Variants in CSTPP1 observed in about 807,000 individuals in gnomAD.
The protein encoded by CSTPP1 is UPF0705 protein C11orf49.
chr11:46,945,186 A>T, the CSTPP1 span, among the ~76,000 whole-genome samples: 33 of 152,288 alleles, frequency 2.2e-4, no homozygotes, highest in Non-Finnish European at 4.3e-4. Flanking sequence ...TGCTGTTTAC[A>T]GTAAGTTAGC....
the CSTPP1 span, among the ~76,000 whole-genome samples, chr11:47,097,082 CCCGT>C: frequency 2.1e-5 from 3 of 144,068 alleles, no homozygotes; most frequent in African/African-American, 7.4e-5. Flanking sequence ...GGCCAGCCGC[CCCGT>C]CCGGGAGGGA....
the CSTPP1 span, among the ~76,000 whole-genome samples, chr11:46,991,339 T>C: frequency 2.8e-4 from 43 of 152,248 alleles, no homozygotes; most frequent in Non-Finnish European, 5.3e-4. Flanking sequence ...TTCTTTTCAA[T>C]GAAATCTAGA....
At chr11:47,137,489 C>T in the CSTPP1 span, 3 of 1,503,072 alleles carry the variant, frequency 2.0e-6, no homozygotes, top group Middle Eastern at 5.2e-4. Context: ...TAAAATCTCA[C>T]ACCTGGAGGT....
the CSTPP1 span, among the ~76,000 whole-genome samples, chr11:46,954,206 T>C: frequency 4.7e-4 from 72 of 152,030 alleles, no homozygotes; most frequent in African/African-American, 1.7e-3. Context: ...GAAGAAACAG[T>C]TGAAAAACTC....
the CSTPP1 span, chr11:47,162,270 G>C: frequency 1.0e-6 from 1 of 985,296 alleles, no homozygotes; most frequent in East Asian, 1.1e-4. Context: ...AAGCTCCTAG[G>C]CTGAGGGGAG....
chr11:47,070,411 A>C, the CSTPP1 span, among the ~76,000 whole-genome samples: 1 of 152,286 alleles, frequency 6.6e-6, no homozygotes, highest in Admixed American at 6.5e-5. Flanking sequence ...TTAGAAACCT[A>C]ATTAGACACC....
chr11:47,153,034 C>T, the CSTPP1 span, among the ~76,000 whole-genome samples: 3 of 152,172 alleles, frequency 2.0e-5, no homozygotes, highest in Admixed American at 6.5e-5. Context: ...TGAGCGCTCC[C>T]GGGGGAGCTC....
the CSTPP1 span, chr11:47,157,096 G>C: frequency 6.2e-7 from 1 of 1,614,152 alleles, no homozygotes; most frequent in African/African-American, 1.3e-5. Context: ...TGATTGTGCC[G>C]ACGTCGTCCA....
chr11:47,122,858 C>G, the CSTPP1 span, among the ~76,000 whole-genome samples: 1 of 152,172 alleles, frequency 6.6e-6, no homozygotes, highest in Admixed American at 6.5e-5. Context: ...GGATTACAGG[C>G]ATGAGCCACT....
the CSTPP1 span, among the ~76,000 whole-genome samples, chr11:47,086,062 T>C: frequency 6.6e-6 from 1 of 151,586 alleles, no homozygotes; most frequent in East Asian, 1.9e-4. Flanking sequence ...GACATCCATC[T>C]TAGGTAATAT....
chr11:46,939,177 G>A, the CSTPP1 span, among the ~76,000 whole-genome samples: 14 of 130,638 alleles, frequency 1.1e-4, no homozygotes, highest in African/African-American at 3.8e-4. Context: ...CCCAACCTCC[G>A]CCTCCTGGGT....
chr11:47,142,391 A>C, the CSTPP1 span, among the ~76,000 whole-genome samples: 3 of 152,100 alleles, frequency 2.0e-5, no homozygotes, highest in East Asian at 5.8e-4. Context: ...TGGTTCATCC[A>C]TCTTGCTGTA....
At chr11:46,959,294 T>G in the CSTPP1 span, among the ~76,000 whole-genome samples, 1 of 152,018 alleles carries the variant, frequency 6.6e-6, no homozygotes, top group Admixed American at 6.6e-5. Flanking sequence ...ATATACAGAC[T>G]TTTCTCAAGT....
the CSTPP1 span, among the ~76,000 whole-genome samples, chr11:47,116,565 T>C: frequency 1.3e-5 from 2 of 152,136 alleles, no homozygotes; most frequent in Non-Finnish European, 2.9e-5. Flanking sequence ...CCCTTTACCA[T>C]TATGTAATGG....
the CSTPP1 span, among the ~76,000 whole-genome samples, chr11:47,032,550 C>T: frequency 6.6e-6 from 1 of 152,034 alleles, no homozygotes; most frequent in Non-Finnish European, 1.5e-5. Flanking sequence ...AAATATATAA[C>T]TCACAAATAA....
chr11:47,091,066 G>C, the CSTPP1 span, among the ~76,000 whole-genome samples: 2 of 99,036 alleles, frequency 2.0e-5, no homozygotes, highest in Non-Finnish European at 4.1e-5. Flanking sequence ...AAAAAAAAAA[G>C]ATAAGGAAAT....
chr11:46,979,993 TA>T, the CSTPP1 span, among the ~76,000 whole-genome samples: 1 of 152,182 alleles, frequency 6.6e-6, no homozygotes, highest in Non-Finnish European at 1.5e-5. Flanking sequence ...TTATGAGATT[TA>T]GGCTGGAAAT....
At chr11:47,076,742 A>G in the CSTPP1 span, among the ~76,000 whole-genome samples, 1 of 152,160 alleles carries the variant, frequency 6.6e-6, no homozygotes, top group Admixed American at 6.5e-5. Context: ...ACTGAGGCAC[A>G]AGAATTGCTT....
the CSTPP1 span, among the ~76,000 whole-genome samples, chr11:47,105,282 G>A: frequency 4.9e-4 from 75 of 152,260 alleles, no homozygotes; most frequent in Non-Finnish European, 7.6e-4. Context: ...ATCACTTAAA[G>A]TGAGGGGTTC....
Sources: allele counts gnomAD v4.1 joint callset (sites outside exome capture counted in the v4.1 genomes callset), GRCh38; gene constraint gnomAD v4.1.1; transcripts MANE v1.5; gene names NCBI Gene and HGNC (gene_info 2026-07-23, HGNC 2026-07-21).